The following SLC25A26 variants were observed in gnomAD, a reference collection of about 807,000 sequenced individuals.
SLC25A26 encodes the protein mitochondrial S-adenosylmethionine carrier protein.
A neutral mutation model predicts 37.8 loss-of-function variants in SLC25A26; 36 were observed. The observed-to-expected ratio is 0.95, with a 90% CI of 0.73 to 1.26. The LOEUF (loss-of-function observed/expected upper bound fraction) is 1.26. SLC25A26 is among the 50% of genes most tolerant of loss of function. The pLI, the probability that SLC25A26 is intolerant of heterozygous loss-of-function variation, is 0.00. For synonymous variants in SLC25A26, 129 were observed against 122.5 expected, an observed-to-expected ratio of 1.05 and a Z score of -0.35; for missense variants, 390 against 331.1, an observed-to-expected ratio of 1.18 and a Z score of -1.38.
intron 5 of SLC25A26, among the ~76,000 whole-genome samples, chr3:66,283,157 A>G (rs2074402363): frequency 6.6e-6 from 1 of 152,200 alleles, no homozygotes; most frequent in South Asian, 2.1e-4. Context: ...ATTCCTGTTA[A>G]TAGTCATGTA....
At position 66,268,476 on chromosome 3, in the gene SLC25A26, A is replaced by G. The variant is rs148377430; in HGVS notation, c.453+5097A>G. The stretch of plus-strand genomic sequence containing the variant: ...TTTAATTACAAGTAAGACTGGACAT[A>G]ATAACATATATCTGAGAACAGTTTT... On this transcript the variant is annotated intron_variant, in intron 5 of 9. Coordinates refer to ENST00000354883, the MANE Select transcript of SLC25A26 (RefSeq NM_001379210.1). Among the ~76,000 whole-genome samples the G allele has an allele frequency of 1.1e-4, 17 of 152,334 alleles. No individual in the cohort carries two copies. The East Asian group carries it at 1.7e-3, about 16-fold the overall frequency.
intron 5 of SLC25A26, among the ~76,000 whole-genome samples, chr3:66,328,928 G>T (rs759619550): frequency 1.3e-5 from 2 of 152,022 alleles, no homozygotes; most frequent in Non-Finnish European, 2.9e-5. Flanking sequence ...TTTTCTCCTG[G>T]CCAACCTTTT....
chr3:66,145,277 T>G (rs2070098827), intron 1 of SLC25A26, among the ~76,000 whole-genome samples: 2 of 152,114 alleles, frequency 1.3e-5, no homozygotes, highest in African/African-American at 4.8e-5. Context: ...TTTGCATGAG[T>G]GAATGTTCCC....
At chr3:66,335,151 A>G (rs764373526) in intron 5 of SLC25A26, among the ~76,000 whole-genome samples, 1 of 152,220 alleles carries the variant, frequency 6.6e-6, no homozygotes, top group Non-Finnish European at 1.5e-5. Context: ...TTAATTGCCC[A>G]TTTATTAAAT....
intron 5 of SLC25A26, among the ~76,000 whole-genome samples, chr3:66,325,672 C>G (rs1180216125): frequency 6.6e-6 from 1 of 152,128 alleles, no homozygotes; most frequent in Non-Finnish European, 1.5e-5. Context: ...GCAGAGGAAT[C>G]ATATGTAAGA....
intron 3 of SLC25A26, 39 bp downstream of exon 3, chr3:66,243,351 G>T (rs781921034): frequency 1.1e-6 from 1 of 927,996 alleles, no homozygotes; most frequent in Admixed American, 1.9e-5. Flanking sequence ...CTTCAGAAAT[G>T]CACATCATGC....
At chr3:66,243,801 A>T (rs374890214) in intron 3 of SLC25A26, among the ~76,000 whole-genome samples, 4 of 152,314 alleles carry the variant, frequency 2.6e-5, no homozygotes, top group African/African-American at 9.6e-5. Context: ...ACACCCTGTC[A>T]CTGACTTGGC....
chr3:66,137,487 C>T (rs558102620), intron 1 of SLC25A26, among the ~76,000 whole-genome samples: 21 of 152,278 alleles, frequency 1.4e-4, no homozygotes, highest in African/African-American at 5.1e-4. Context: ...CTTGGCCTCC[C>T]AAAGTGCTGG....
chr3:66,215,565 T>C (rs2071348573), intron 1 of SLC25A26, among the ~76,000 whole-genome samples: 4 of 152,242 alleles, frequency 2.6e-5, no homozygotes, highest in Non-Finnish European at 5.9e-5. Flanking sequence ...AACATTATTT[T>C]CTTCTAAATG....
chr3:66,251,486 AG>A (rs782234890), intron 3 of SLC25A26, among the ~76,000 whole-genome samples: 9 of 152,090 alleles, frequency 5.9e-5, no homozygotes, highest in Non-Finnish European at 8.8e-5. Context: ...TCTCCAATGG[AG>A]TCTACCGAGC....
intron 1 of SLC25A26, among the ~76,000 whole-genome samples, chr3:66,198,070 C>T (rs1471588831): frequency 1.3e-5 from 2 of 152,036 alleles, no homozygotes; most frequent in East Asian, 3.9e-4. Context: ...CAAGGTCAGC[C>T]AGCATCATGG....
intron 1 of SLC25A26, among the ~76,000 whole-genome samples, chr3:66,225,250 G>A (rs933864863): frequency 2.0e-5 from 3 of 152,152 alleles, no homozygotes; most frequent in East Asian, 1.9e-4. Flanking sequence ...TGGACATCCC[G>A]ACGTTTCCGT....
intron 5 of SLC25A26, among the ~76,000 whole-genome samples, chr3:66,312,867 C>T (rs574156282): frequency 1.3e-5 from 2 of 152,272 alleles, no homozygotes; most frequent in African/African-American, 4.8e-5. Context: ...GAACCGGGTA[C>T]CTCAGTTGGA....
At chr3:66,355,698 A>T (rs1359915424) in intron 6 of SLC25A26, among the ~76,000 whole-genome samples, 1 of 152,234 alleles carries the variant, frequency 6.6e-6, no homozygotes, top group Admixed American at 6.5e-5. Context: ...TGATAAAATT[A>T]TAGGCAGCTG....
chr3:66,354,032 T>C (rs1233611926), intron 6 of SLC25A26, among the ~76,000 whole-genome samples: 1 of 152,248 alleles, frequency 6.6e-6, no homozygotes, highest in Non-Finnish European at 1.5e-5. Context: ...GTACATTCTT[T>C]TAAAGGTATG....
chr3:66,223,112 A>G (rs1229818777), intron 1 of SLC25A26, among the ~76,000 whole-genome samples: 2 of 152,254 alleles, frequency 1.3e-5, no homozygotes, highest in African/African-American at 2.4e-5. Flanking sequence ...AGGCCAGCAG[A>G]TAAAACAGTT....
intron 1 of SLC25A26, among the ~76,000 whole-genome samples, chr3:66,205,628 A>T (rs1001656429): frequency 6.6e-6 from 1 of 152,202 alleles, no homozygotes; most frequent in African/African-American, 2.4e-5. Context: ...TCAATTTTCT[A>T]TCACTTTGTC....
chr3:66,206,237 G>A (rs939180906), intron 1 of SLC25A26, among the ~76,000 whole-genome samples: 14 of 152,242 alleles, frequency 9.2e-5, no homozygotes, highest in African/African-American at 2.2e-4. Context: ...CAATGCAGGC[G>A]AGCCAAGCAG....
chr3:66,288,126 T>C (rs1459765218), intron 5 of SLC25A26, among the ~76,000 whole-genome samples: 1 of 152,188 alleles, frequency 6.6e-6, no homozygotes, highest in Non-Finnish European at 1.5e-5. Flanking sequence ...TGGATATTTG[T>C]AAAGCAGTTC....
Sources: gnomAD v4.1 joint callset for allele counts (sites outside exome capture counted in the v4.1 genomes callset) on GRCh38, gnomAD v4.1.1 for gene constraint, MANE v1.5 for transcripts, NCBI Gene and HGNC (gene_info 2026-07-23, HGNC 2026-07-21) for gene names.